MYO1G: variants seen among roughly 807,000 people sequenced by gnomAD.
The protein encoded by MYO1G is unconventional myosin-Ig.
Under a neutral mutation model 115.3 loss-of-function variants are expected in MYO1G, and 65 were observed. The ratio of observed to expected loss-of-function variants is 0.56; its 90% CI spans 0.46 to 0.69. The LOEUF (loss-of-function observed/expected upper bound fraction) is 0.69, where lower values mean the gene tolerates loss of function less well. Ranked by LOEUF, MYO1G falls within the 30% of genes least tolerant of loss-of-function variation. The probability of loss-of-function intolerance (pLI) is 0.00; values close to 1 mark genes in which losing one functional copy is unlikely to be tolerated. For missense variants in MYO1G, 1,204 were observed against 1,393.5 expected (o/e 0.86, Z 2.16); for synonymous variants, 510 against 552.6 (o/e 0.92, Z 1.08).
chr7:44,976,163 C>T (rs977317653), intron 3 of MYO1G, among the ~76,000 whole-genome samples: 4 of 152,364 alleles, frequency 2.6e-5, no homozygotes, highest in South Asian at 4.1e-4. Flanking sequence ...CTGGCCATCA[C>T]CCACACAGCC....
At position 44,967,734 on chromosome 7, in the gene MYO1G, C is replaced by G. The variant is rs150039567; in HGVS notation, c.1653G>C (p.Thr551=). The G allele has an allele frequency of 6.2e-7, 1 of 1,613,412 alleles. No homozygotes were observed. The highest frequency in any genetic ancestry group is 8.5e-7 in the Non-Finnish European group (1 of 1,179,958). ...GCCACATGGCCCGTAGAGTGGGGTC[C>G]GTGCTGCAGACACAGGCCGAATTCC... The part of the protein sequence containing the change: ...QDFKRLLYNS[T]DPTLRAMWPD... Residue 551 remains threonine, a synonymous_variant, in exon 14 of 22, where the codon ACG becomes ACC. Transcript: ENST00000258787.
In MYO1G at chr7:44,964,186, A is replaced by C. The variant is rs1375933258; in HGVS notation, c.2632-24T>G. ...ACCTGTGGGAGAGGTGGCTGGACCC[A>C]GGCTGGTGCTGCCCTGTCACCCACC... is the stretch of plus-strand genomic sequence containing the variant. On this transcript the variant is annotated intron_variant, in intron 19 of 21. Coordinates refer to ENST00000258787, the MANE Select transcript of MYO1G (RefSeq NM_033054.3). The surrounding 1 kb of genome is among the most constrained non-coding windows in gnomAD (Gnocchi z 5.1). 6.4e-7 allele frequency: 1 copy of C among 1,558,302 alleles called. No individual in the cohort carries two copies. Among genetic ancestry groups the C allele is most frequent in the Non-Finnish European group, 8.7e-7 (1 of 1,147,326 alleles).
rs147414772 is a variant in MYO1G at position 44,970,118 on chromosome 7, C to T, written c.1254G>A (p.Lys418=). ...TGAGCTGGATGAATAGCTGCTGCAG[C>T]TTCTCGTTGCAGTAGTTGATGCAGA... is the stretch of plus-strand genomic sequence containing the variant. ...EQFCINYCNE[K]LQQLFIQLIL... is the part of the protein sequence containing the mutation. Residue 418 remains lysine (K), a synonymous_variant, in exon 10 of 22, where the codon AAG becomes AAA. Coordinates refer to ENST00000258787, the MANE Select transcript of MYO1G (RefSeq NM_033054.3). 31 of 1,614,064 alleles carry T rather than the reference C, an allele frequency of 1.9e-5. 2 individuals are homozygous for T. The South Asian group carries it at 3.1e-4, about 16-fold the overall frequency.
chr7:44,975,658 G>A lies in MYO1G; in HGVS notation c.399-9C>T. ...GCAGCACGTCCTTGACCCTGTCAGG[G>A]CAGAGGGGCTGGGTCTTAAGGCAAA... is the stretch of plus-strand genomic sequence containing the variant. On this transcript the variant is annotated splice_polypyrimidine_tract_variant and intron_variant, in intron 3 of 21. Coordinates refer to ENST00000258787, the MANE Select transcript of MYO1G (RefSeq NM_033054.3). The A allele has an allele frequency of 3.1e-6, 5 of 1,592,486 alleles. No homozygotes were observed. Among genetic ancestry groups the A allele is most frequent in the Non-Finnish European group, 4.3e-6 (5 of 1,165,280 alleles).
intron 1 of MYO1G, among the ~76,000 whole-genome samples, chr7:44,978,199 A>T (rs890378224): frequency 5.3e-5 from 8 of 152,136 alleles, no homozygotes; most frequent in Non-Finnish European, 1.0e-4. Context: ...CAGGAAGCCC[A>T]GCTGCCTGTA....
chr7:44,963,810 A>G lies in MYO1G; in HGVS notation c.2745+239T>C. 1.9e-6 allele frequency: 1 copy of G among 523,896 alleles called. No homozygotes were observed. Among genetic ancestry groups the G allele is most frequent in the South Asian group, 2.4e-5 (1 of 42,420 alleles). The allele number at this position is 523,896 out of a possible 1,614,324, so 32.5% of individuals were successfully genotyped here. A position where few individuals can be genotyped will look rare whatever the true frequency, so the allele number is the denominator to read the frequency against. Reference sequence around the variant, plus strand: ...AGAGGGGACCATTTGGCTTGGCTAGAGTGTGAGAGTGGGGGTGGGGGGTGA... The same window carrying G: ...AGAGGGGACCATTTGGCTTGGCTAGGGTGTGAGAGTGGGGGTGGGGGGTGA... On this transcript the variant is annotated intron_variant, in intron 20 of 21. Transcript: ENST00000258787. This position sits in a 1 kb window ranked among gnomAD's most constrained non-coding sequence, Gnocchi z 4.1.
rs897529795 is a variant in MYO1G, at chr7:44,963,168, C to A, written c.2746-44G>T. 107 of 1,391,858 alleles carry A rather than the reference C, an allele frequency of 7.7e-5. No individual in the cohort carries two copies. The highest frequency in any genetic ancestry group is 9.7e-5 in the Non-Finnish European group (105 of 1,077,514). 86.2% of individuals were successfully genotyped at this position (1,391,858 alleles called of 1,614,324 possible). A position where few individuals can be genotyped will look rare whatever the true frequency, so the allele number is the denominator to read the frequency against. Reference sequence around the variant, plus strand: ...CAGAGTGCAGCCGCCTCAACCCGCACCCCAGCCTAGCCGGACTCACCCCCT... The same window carrying A: ...CAGAGTGCAGCCGCCTCAACCCGCAACCCAGCCTAGCCGGACTCACCCCCT... On this transcript the variant is annotated intron_variant, in intron 20 of 21. Transcript: ENST00000258787. The surrounding 1 kb of genome is among the most constrained non-coding windows in gnomAD (Gnocchi z 4.1).
At chr7:44,974,873 C>A in intron 5 of MYO1G, 5 of 466,218 alleles carry the variant, frequency 1.1e-5, no homozygotes, top group Non-Finnish European at 2.0e-5. Context: ...GGAAGCCCAC[C>A]TCGTGGGGAG....
rs1334448217 is a variant in MYO1G at position 44,976,658 on chromosome 7, C to T, written c.305-1G>A. The T allele has an allele frequency of 6.2e-7, 1 of 1,613,984 alleles. No homozygotes were observed. Among genetic ancestry groups the T allele is most frequent in the African/African-American group, 1.3e-5 (1 of 74,946 alleles). ...TCTGTCTTCCCTGCCCCACTCTCCC[C>T]TGCCGGAAAGACCAGAGTTGAGAGA... On this transcript the variant is annotated splice_acceptor_variant, in intron 2 of 21. Transcript: ENST00000258787. LOFTEE classifies it high-confidence loss of function.
At chr7:44,967,504 C>T in intron 14 of MYO1G, 101 bp downstream of exon 14, 3 of 1,478,464 alleles carry the variant, frequency 2.0e-6, no homozygotes, top group African/African-American at 1.4e-5. Flanking sequence ...AACCCTCTCC[C>T]CACCACTATG....
At position 44,963,148 on chromosome 7, in the gene MYO1G, T is replaced by C. The variant is rs1421659244; in HGVS notation, c.2746-24A>G. ...ACCTGAGCGGAGCGCGGGGTCAGAG[T>C]GCAGCCGCCTCAACCCGCACCCCAG... On this transcript the variant is annotated intron_variant, in intron 20 of 21. Transcript: ENST00000258787. The surrounding 1 kb of genome is among the most constrained non-coding windows in gnomAD (Gnocchi z 4.1). 1.4e-6 allele frequency: 2 copies of C among 1,413,680 alleles called. No individual in the cohort carries two copies. Among genetic ancestry groups the C allele is most frequent in the East Asian group, 3.0e-5 (1 of 32,896 alleles). The allele number at this position is 1,413,680 out of a possible 1,614,324, so 87.6% of individuals were successfully genotyped here. A position where few individuals can be genotyped will look rare whatever the true frequency, so the allele number is the denominator to read the frequency against.
rs138714232 is a variant in MYO1G, at chr7:44,966,232, G to A, written c.1998C>T (p.Ser666=). 33 of 1,611,684 alleles carry A rather than the reference G, an allele frequency of 2.0e-5. No homozygotes were observed. The highest frequency in any genetic ancestry group is 2.0e-4 in the East Asian group (9 of 44,858). ...EYTWPNHLLG[S]DKAAVSALLE... ...GGAGAGCGCTCACGGCTGCCTTGTC[G>A]GAGCCCAGCAGGTGGTTGGGCCATG... is the stretch of plus-strand genomic sequence containing the variant. Residue 666 remains serine, a synonymous_variant, in exon 16 of 22, where the codon TCC becomes TCT. Transcript: ENST00000258787. The surrounding 1 kb of genome is among the most constrained non-coding windows in gnomAD (Gnocchi z 5.0).
At chr7:44,976,410 G>C (rs1313987252) in intron 3 of MYO1G, among the ~76,000 whole-genome samples, 154 bp downstream of exon 3, 1 of 152,182 alleles carries the variant, frequency 6.6e-6, no homozygotes, top group East Asian at 1.9e-4. Flanking sequence ...CTCCGGGTGT[G>C]TTGGCATTAT....
At position 44,963,068 on chromosome 7, in the gene MYO1G, G is replaced by A; in HGVS notation, c.2802C>T (p.Arg934=). 6.6e-7 allele frequency: 1 copy of A among 1,521,762 alleles called. No individual in the cohort carries two copies. The highest frequency in any genetic ancestry group is 8.8e-7 in the Non-Finnish European group (1 of 1,140,338). The allele number at this position is 1,521,762 out of a possible 1,614,324, so 94.3% of individuals were successfully genotyped here. Residue 934 remains arginine (R), a synonymous_variant, in exon 21 of 22, where the codon CGC becomes CGT. Coordinates refer to ENST00000258787, the MANE Select transcript of MYO1G (RefSeq NM_033054.3). This position sits in a 1 kb window ranked among gnomAD's most constrained non-coding sequence, Gnocchi z 4.1. The part of the protein sequence containing the change: ...GGDQLVVLHA[R]GQDDLVVCLH... The stretch of plus-strand genomic sequence containing the variant: ...GGCACACCACGAGGTCGTCCTGGCC[G>A]CGGGCGTGCAGCACCACCAGCTGGT...
In MYO1G at chr7:44,964,829, C is replaced by T; in HGVS notation, c.2526+116G>A. On this transcript the variant is annotated intron_variant, in intron 18 of 21. Transcript: ENST00000258787. The surrounding 1 kb of genome is among the most constrained non-coding windows in gnomAD (Gnocchi z 5.1). ...GGGCTGAGGTACAGGGCCACCAGGA[C>T]AGACAACCCCAGGCCTGGGAGAGGA... 1 of 1,454,762 alleles carries T rather than the reference C, an allele frequency of 6.9e-7. No homozygotes were observed. The highest frequency in any genetic ancestry group is 9.3e-7 in the Non-Finnish European group (1 of 1,077,586). 90.1% of individuals were successfully genotyped at this position (1,454,762 alleles called of 1,614,324 possible). A position where few individuals can be genotyped will look rare whatever the true frequency, so the allele number is the denominator to read the frequency against.
At chr7:44,971,629 C>T (rs1802383621) in intron 7 of MYO1G, 44 bp downstream of exon 7, 2 of 1,443,938 alleles carry the variant, frequency 1.4e-6, no homozygotes, top group African/African-American at 2.8e-5. Flanking sequence ...GCCAGGAAAC[C>T]CTTGTGGGGA....
chr7:44,965,239 G>A (rs1583784302), intron 17 of MYO1G, 150 bp from the exon 18 acceptor site: 1 of 1,189,312 alleles, frequency 8.4e-7, no homozygotes, highest in East Asian at 2.5e-5. Context: ...TTGGCCCCTT[G>A]TGCCTAACGC....
chr7:44,972,210 C>T lies in MYO1G; in HGVS notation c.634G>A (p.Glu212Lys), dbSNP rs771458391. 2 of 1,613,956 alleles carry T rather than the reference C, an allele frequency of 1.2e-6. No homozygotes were observed. The highest frequency in any genetic ancestry group is 1.7e-5 in the Admixed American group (1 of 60,024). The change falls in exon 6 of 22, where the codon GAG (glutamate) becomes AAG (lysine). Residue 212 changes from glutamate (E) to lysine (K), a missense_variant. Transcript: ENST00000258787. Reference protein sequence around the residue: ...HAFYQLLRGSEDKQLHELHLE... With the variant: ...HAFYQLLRGSKDKQLHELHLE... ...TGCAGTTCATGCAGCTGCTTGTCCT[C>T]ACTGCCTCTCAGCAACTAGAGGACA...
At position 44,963,811 on chromosome 7, in the gene MYO1G, G is replaced by C. The variant is rs1261060401; in HGVS notation, c.2745+238C>G. On this transcript the variant is annotated intron_variant, in intron 20 of 21. Transcript: ENST00000258787. The surrounding 1 kb of genome is among the most constrained non-coding windows in gnomAD (Gnocchi z 4.1). The stretch of plus-strand genomic sequence containing the variant: ...GAGGGGACCATTTGGCTTGGCTAGA[G>C]TGTGAGAGTGGGGGTGGGGGGTGAC... 1.9e-6 allele frequency: 1 copy of C among 540,352 alleles called. No individual in the cohort carries two copies. Among genetic ancestry groups the C allele is most frequent in the African/African-American group, 1.9e-5 (1 of 52,714 alleles). 33.5% of individuals were successfully genotyped at this position (540,352 alleles called of 1,614,324 possible). A position where few individuals can be genotyped will look rare whatever the true frequency, so the allele number is the denominator to read the frequency against.
Sources: allele counts gnomAD v4.1 joint callset (sites outside exome capture counted in the v4.1 genomes callset), GRCh38; gene constraint gnomAD v4.1.1; non-coding constraint Gnocchi (gnomAD v3.1); transcripts MANE v1.5; gene names NCBI Gene and HGNC (gene_info 2026-07-23, HGNC 2026-07-21).